The following CSMD3 variants were observed in gnomAD, a reference collection of about 807,000 sequenced individuals.
CSMD3 encodes the protein CUB and sushi domain-containing protein 3.
CSMD3 carries 177 observed loss-of-function variants against 435.2 expected under a neutral mutation model. That is an observed-to-expected ratio of 0.41 (90% CI 0.36 to 0.46). CSMD3 has a LOEUF of 0.46. CSMD3 is among the 20% of genes least tolerant of loss of function. The pLI is 0.34. For synonymous variants in CSMD3, 1,656 were observed against 1,520.5 expected, an observed-to-expected ratio of 1.09 and a Z score of -2.07; for missense variants, 4,265 against 4,504.6, an observed-to-expected ratio of 0.95 and a Z score of 1.52.
chr8:112,860,286 C>G (rs1444946495), intron 10 of CSMD3, among the ~76,000 whole-genome samples: 1 of 151,756 alleles, frequency 6.6e-6, no homozygotes, highest in Non-Finnish European at 1.5e-5. Flanking sequence ...TTTCAGACAA[C>G]TTTCCTGCAA....
At chr8:112,785,707 C>T (rs1285060616) in intron 13 of CSMD3, among the ~76,000 whole-genome samples, 1 of 151,584 alleles carries the variant, frequency 6.6e-6, no homozygotes, top group Non-Finnish European at 1.5e-5. Flanking sequence ...AAATAAAATA[C>T]CTAGGAATAA....
chr8:112,261,347 G>A (rs1412766498), intron 61 of CSMD3, among the ~76,000 whole-genome samples: 1 of 151,994 alleles, frequency 6.6e-6, no homozygotes, highest in Non-Finnish European at 1.5e-5. Flanking sequence ...GACTATCCAT[G>A]AACCTAACAC....
intron 22 of CSMD3, among the ~76,000 whole-genome samples, chr8:112,600,081 A>T (rs1832188206): frequency 6.6e-6 from 1 of 152,062 alleles, no homozygotes; most frequent in African/African-American, 2.4e-5. Flanking sequence ...GCTATCTCTG[A>T]GTCAGAACAC....
At chr8:112,372,652 C>G (rs1302326837) in intron 38 of CSMD3, among the ~76,000 whole-genome samples, 1 of 151,910 alleles carries the variant, frequency 6.6e-6, no homozygotes, top group African/African-American at 2.4e-5. Flanking sequence ...GAGTTCGAGA[C>G]CAGAGTGGGC....
chr8:113,430,548 G>C (rs1213668391), intron 1 of CSMD3, among the ~76,000 whole-genome samples: 1 of 152,078 alleles, frequency 6.6e-6, no homozygotes, highest in African/African-American at 2.4e-5. Context: ...TGGATGACTT[G>C]TTTAAACCAT....
At chr8:112,899,514 C>CTATA (rs200341992) in intron 10 of CSMD3, among the ~76,000 whole-genome samples, 20 of 136,006 alleles carry the variant, frequency 1.5e-4, no homozygotes, top group Middle Eastern at 7.8e-3. Context: ...TATATATTTT[C>CTATA]TATATATATA....
At chr8:113,033,754 A>C (rs2131254282) in intron 5 of CSMD3, among the ~76,000 whole-genome samples, 1 of 151,368 alleles carries the variant, frequency 6.6e-6, no homozygotes, top group African/African-American at 2.4e-5. Context: ...TGAAAAGTAC[A>C]TGAGATTTGG....
At chr8:113,308,873 G>C (rs1389206876) in intron 2 of CSMD3, among the ~76,000 whole-genome samples, 10 of 152,184 alleles carry the variant, frequency 6.6e-5, no homozygotes. Context: ...GAAATTAAGA[G>C]ATAGTCTTTT....
intron 13 of CSMD3, among the ~76,000 whole-genome samples, chr8:112,712,802 A>G (rs572455214): frequency 6.6e-6 from 1 of 152,022 alleles, no homozygotes; most frequent in Non-Finnish European, 1.5e-5. Context: ...AAATAAAAAA[A>G]AAAAAAAAGA....
chr8:112,443,530 G>A (rs569163090), intron 32 of CSMD3, among the ~76,000 whole-genome samples: 19 of 152,218 alleles, frequency 1.2e-4, no homozygotes, highest in African/African-American at 4.3e-4. Context: ...CTGTACAGGG[G>A]TGCAGCCTAT....
intron 38 of CSMD3, among the ~76,000 whole-genome samples, chr8:112,372,499 A>G (rs1456592538): frequency 6.6e-6 from 1 of 152,180 alleles, no homozygotes; most frequent in African/African-American, 2.4e-5. Context: ...CAGGCATTCT[A>G]AAGTTAAAAT....
intron 31 of CSMD3, among the ~76,000 whole-genome samples, chr8:112,485,001 A>C (rs1244748580): frequency 6.6e-6 from 1 of 152,184 alleles, no homozygotes; most frequent in African/African-American, 2.4e-5. Flanking sequence ...TGGCTACTCC[A>C]CATAGTATGC....
At chr8:112,486,537 C>T (rs1289112691) in intron 31 of CSMD3, among the ~76,000 whole-genome samples, 3 of 152,110 alleles carry the variant, frequency 2.0e-5, no homozygotes, top group Non-Finnish European at 2.9e-5. Flanking sequence ...AATCCTCCTC[C>T]TTATGCTCTT....
rs183473748 is a variant in CSMD3 at position 112,351,265 on chromosome 8, G to T, written c.6256-21C>A. The T allele has an allele frequency of 1.1e-3, 1,741 of 1,536,718 alleles. 1 individual carries two copies. Among genetic ancestry groups the T allele is most frequent in the Non-Finnish European group, 1.4e-3 (1,553 of 1,110,444 alleles). On this transcript the variant is annotated intron_variant, in intron 39 of 70. Transcript: ENST00000297405. ...TGACCCTACATAAACAAAATGATGT[G>T]GTTCAGTACACATACATAAAAAGTT... is the stretch of plus-strand genomic sequence containing the variant.
chr8:113,376,962 A>G (rs2133083975), intron 1 of CSMD3: 4 of 1,381,256 alleles, frequency 2.9e-6, no homozygotes, highest in East Asian at 4.0e-5. Context: ...TGCCCAAACT[A>G]AAGGTGTGTG....
intron 18 of CSMD3, among the ~76,000 whole-genome samples, chr8:112,655,019 A>G (rs2075222343): frequency 6.6e-6 from 1 of 152,164 alleles, no homozygotes; most frequent in Non-Finnish European, 1.5e-5. Context: ...ATTGCATTTT[A>G]CCATGATTTT....
intron 12 of CSMD3, among the ~76,000 whole-genome samples, chr8:112,824,041 C>T (rs1048463939): frequency 3.9e-5 from 6 of 152,242 alleles, no homozygotes; most frequent in Non-Finnish European, 8.8e-5. Flanking sequence ...ATAGTTAGCT[C>T]CTCATGTTGA....
intron 27 of CSMD3, among the ~76,000 whole-genome samples, chr8:112,521,342 T>A (rs60989653): frequency 0.31 from 47,443 of 151,718 alleles, 7,569 homozygotes; most frequent in East Asian, 0.47. Context: ...CAGGCTGCCA[T>A]ATCCAGTGGT....
At chr8:112,358,051 G>T (rs1446891867) in intron 38 of CSMD3, among the ~76,000 whole-genome samples, 1 of 152,174 alleles carries the variant, frequency 6.6e-6, no homozygotes, top group Non-Finnish European at 1.5e-5. Flanking sequence ...AGCCACGAGG[G>T]TGGAGCTTCC....
Sources: allele counts gnomAD v4.1 joint callset (sites outside exome capture counted in the v4.1 genomes callset), GRCh38; gene constraint gnomAD v4.1.1; transcripts MANE v1.5; gene names NCBI Gene and HGNC (gene_info 2026-07-23, HGNC 2026-07-21).